Variants in FRMD4B observed in about 807,000 individuals in gnomAD.
FRMD4B encodes FERM domain containing 4B.
Under a neutral mutation model 141.5 loss-of-function variants are expected in FRMD4B, and 74 were observed. The ratio of observed to expected loss-of-function variants is 0.52; its 90% CI spans 0.43 to 0.63. The LOEUF is 0.63. FRMD4B is among the 30% of genes least tolerant of loss of function. FRMD4B has a pLI of 0.00. For synonymous variants in FRMD4B, 506 were observed against 467.9 expected, an observed-to-expected ratio of 1.08 and a Z score of -1.05; for missense variants, 1,366 against 1,253.4, an observed-to-expected ratio of 1.09 and a Z score of -1.36.
intron 1 of FRMD4B, among the ~76,000 whole-genome samples, chr3:69,478,073 C>T (rs1262905972): frequency 1.3e-5 from 2 of 152,172 alleles, no homozygotes; most frequent in Admixed American, 6.5e-5. Flanking sequence ...TTTTTTATTG[C>T]ATCTATTTGA....
At chr3:69,536,810 T>G (rs1279358736) in intron 1 of FRMD4B, 1 of 401,862 alleles carries the variant, frequency 2.5e-6, no homozygotes, top group African/African-American at 2.1e-5. Flanking sequence ...GCAATGGCAC[T>G]ATCACGGCTC....
intron 2 of FRMD4B, among the ~76,000 whole-genome samples, chr3:69,425,416 G>A (rs1276963846): frequency 6.6e-6 from 1 of 152,174 alleles, no homozygotes; most frequent in Admixed American, 6.5e-5. Context: ...ACTAGTGCTA[G>A]AAGTAGTTAT....
In FRMD4B at chr3:69,211,662, T is replaced by C. The variant is rs6782395; in HGVS notation, c.876+4601A>G. Among the ~76,000 whole-genome samples the C allele has an allele frequency of 2.6e-5, 4 of 152,208 alleles. No individual in the cohort carries two copies. In the South Asian group the frequency reaches 8.3e-4, roughly 31 times the overall value. On this transcript the variant is annotated intron_variant, in intron 11 of 22. Coordinates refer to ENST00000398540, the MANE Select transcript of FRMD4B (RefSeq NM_015123.3). ...TCTTCTGGCCTGCTTTTAAGCCACA[T>C]AATTGTAACAAGACGGGATGTGGCT...
At chr3:69,328,401 C>A (rs1338514924) in intron 1 of FRMD4B, among the ~76,000 whole-genome samples, 3 of 152,190 alleles carry the variant, frequency 2.0e-5, no homozygotes, top group Non-Finnish European at 4.4e-5. Context: ...GCAAGTGTTG[C>A]AAATCAGTGT....
intron 11 of FRMD4B, among the ~76,000 whole-genome samples, chr3:69,207,543 C>G (rs1276887962): frequency 6.6e-6 from 1 of 152,094 alleles, no homozygotes; most frequent in Admixed American, 6.5e-5. Flanking sequence ...GGCACCGTGG[C>G]TCATGCCTGT....
At chr3:69,372,581 C>T (rs913497410) in intron 1 of FRMD4B, among the ~76,000 whole-genome samples, 1 of 152,178 alleles carries the variant, frequency 6.6e-6, no homozygotes, top group African/African-American at 2.4e-5. Context: ...AGGAGAATCA[C>T]CGGAACCTGG....
rs2093549638 is a variant in FRMD4B, at chr3:69,264,717, T to G, written c.502-14618A>C. Among the ~76,000 whole-genome samples, 7 of 152,300 alleles carry G rather than the reference T, an allele frequency of 4.6e-5. No individual in the cohort carries two copies. The South Asian group carries it at 1.5e-3, about 32-fold the overall frequency. ...TATCTATGTAATACTTCATGGAGTT[T>G]TGAGGACAAACAAAGATGAGACATA... On this transcript the variant is annotated intron_variant, in intron 5 of 22. Transcript: ENST00000398540.
At chr3:69,211,445 G>C (rs916816901) in intron 11 of FRMD4B, among the ~76,000 whole-genome samples, 3 of 152,162 alleles carry the variant, frequency 2.0e-5, no homozygotes, top group Non-Finnish European at 4.4e-5. Flanking sequence ...ATAAATAAAA[G>C]ACTTGAAGAG....
intron 1 of FRMD4B, among the ~76,000 whole-genome samples, chr3:69,362,866 T>C (rs2107468706): frequency 6.6e-6 from 1 of 152,254 alleles, no homozygotes; most frequent in African/African-American, 2.4e-5. Context: ...ACATCTCCAA[T>C]TTTTATTATA....
At chr3:69,479,405 G>A (rs532133090) in intron 1 of FRMD4B, among the ~76,000 whole-genome samples, 4 of 152,196 alleles carry the variant, frequency 2.6e-5, no homozygotes, top group African/African-American at 9.6e-5. Flanking sequence ...AGGCCTGGTG[G>A]TGACAAAATC....
chr3:69,454,084 G>A (rs554596732), intron 1 of FRMD4B, among the ~76,000 whole-genome samples: 1 of 152,330 alleles, frequency 6.6e-6, no homozygotes, highest in South Asian at 2.1e-4. Context: ...TAGATTGGAT[G>A]AGGAGGCAGA....
At chr3:69,483,660 C>G (rs954212446) in intron 1 of FRMD4B, among the ~76,000 whole-genome samples, 1 of 152,146 alleles carries the variant, frequency 6.6e-6, no homozygotes, top group African/African-American at 2.4e-5. Context: ...ACACAGAAAA[C>G]CTGGAAACTG....
chr3:69,481,740 C>A (rs1201594738), intron 1 of FRMD4B, among the ~76,000 whole-genome samples: 1 of 152,176 alleles, frequency 6.6e-6, no homozygotes, highest in Admixed American at 6.5e-5. Flanking sequence ...ATGAAAATCT[C>A]AATCTTTAGG....
intron 3 of FRMD4B, among the ~76,000 whole-genome samples, chr3:69,308,499 G>A (rs1701468578): frequency 6.7e-6 from 1 of 150,066 alleles, no homozygotes; most frequent in African/African-American, 2.4e-5. Context: ...GTGCAGTGGT[G>A]AGATCATGGC....
intron 1 of FRMD4B, among the ~76,000 whole-genome samples, chr3:69,451,036 T>G (rs1209909072): frequency 6.6e-6 from 1 of 152,174 alleles, no homozygotes; most frequent in Admixed American, 6.5e-5. Context: ...ATCCTAATGA[T>G]GACTTCTAGC....
chr3:69,303,316 C>A (rs542411963), intron 3 of FRMD4B, among the ~76,000 whole-genome samples: 76 of 133,850 alleles, frequency 5.7e-4, no homozygotes, highest in Non-Finnish European at 1.2e-3. Flanking sequence ...GCAACATAAC[C>A]AGACCCCATC....
At chr3:69,344,178 A>G (rs540536071) in intron 1 of FRMD4B, among the ~76,000 whole-genome samples, 5 of 152,330 alleles carry the variant, frequency 3.3e-5, no homozygotes, top group African/African-American at 1.2e-4. Flanking sequence ...TCTGACTCCA[A>G]TTAGTGGCAT....
At chr3:69,410,746 T>A (rs1429466978) in intron 2 of FRMD4B, among the ~76,000 whole-genome samples, 791 of 16,856 alleles carry the variant, frequency 0.047, 29 homozygotes, top group African/African-American at 0.16. Flanking sequence ...TATATATATA[T>A]ATATATATAT....
intron 11 of FRMD4B, among the ~76,000 whole-genome samples, chr3:69,209,820 T>C (rs752915041): frequency 2.8e-4 from 42 of 152,242 alleles, no homozygotes; most frequent in Admixed American, 5.9e-4. Flanking sequence ...GAACAACCCA[T>C]GTTCTCTTCT....
Sources: allele counts gnomAD v4.1 joint callset (sites outside exome capture counted in the v4.1 genomes callset), GRCh38; gene constraint gnomAD v4.1.1; transcripts MANE v1.5; gene names NCBI Gene and HGNC (gene_info 2026-07-23, HGNC 2026-07-21).